CUX2: variants seen among roughly 807,000 people sequenced by gnomAD.
CUX2 encodes homeobox protein cut-like 2.
CUX2 carries 40 observed loss-of-function variants against 144.8 expected under a neutral mutation model. That is an observed-to-expected ratio of 0.28 (90% CI 0.21 to 0.36). The LOEUF (loss-of-function observed/expected upper bound fraction) is 0.36, where lower values mean the gene tolerates loss of function less well. Ranked by LOEUF, CUX2 falls within the 10% of genes least tolerant of loss-of-function variation. The probability of loss-of-function intolerance (pLI) is 1.00; values close to 1 mark genes in which losing one functional copy is unlikely to be tolerated. For synonymous variants in CUX2, 827 were observed against 875.6 expected, an observed-to-expected ratio of 0.94 and a Z score of 0.98; for missense variants, 1,615 against 1,994.0, an observed-to-expected ratio of 0.81 and a Z score of 3.62.
At position 111,320,387 on chromosome 12, in the gene CUX2, G is replaced by A. The variant is rs1209369279; in HGVS notation, c.2378G>A (p.Arg793His). 3.1e-6 allele frequency: 5 copies of A among 1,597,850 alleles called. No homozygotes were observed. In the African/African-American group the frequency reaches 5.3e-5, roughly 17 times the overall value. ...GYFDHHWASD[R>H]GLLSRPYASV... ...TTCGACCACCACTGGGCCTCCGACCGCGGCCTGCTCAGCCGCCCCTACGCC... is the reference window on the plus strand; with the variant it reads ...TTCGACCACCACTGGGCCTCCGACCACGGCCTGCTCAGCCGCCCCTACGCC... The change falls in exon 17 of 22, where the codon CGC (arginine) becomes CAC (histidine). Residue 793 changes from arginine to histidine, a missense_variant. By Grantham distance (29) the Arg-to-His change is conservative. Coordinates refer to ENST00000261726, the MANE Select transcript of CUX2 (RefSeq NM_015267.4). The surrounding 1 kb of genome is among the most constrained non-coding windows in gnomAD (Gnocchi z 8.1).
chr12:111,042,681 G>A (rs1350443946), intron 1 of CUX2, among the ~76,000 whole-genome samples: 2 of 152,050 alleles, frequency 1.3e-5, no homozygotes, highest in Admixed American at 6.6e-5. Context: ...ACCCAGGCTG[G>A]AGTGCAACGG....
At chr12:111,198,170 T>C (rs1880356599) in intron 1 of CUX2, among the ~76,000 whole-genome samples, 1 of 152,184 alleles carries the variant, frequency 6.6e-6, no homozygotes, top group African/African-American at 2.4e-5. Flanking sequence ...GAGGTGAATA[T>C]TCATTTAAAA....
intron 1 of CUX2, chr12:111,099,998 T>C (rs1452776864): frequency 4.4e-6 from 2 of 457,360 alleles, no homozygotes; most frequent in Admixed American, 2.3e-5. Context: ...TCGCTTTTAT[T>C]TTTGCACATT....
chr12:111,280,718 C>G (rs1426483909), intron 4 of CUX2, among the ~76,000 whole-genome samples: 1 of 152,138 alleles, frequency 6.6e-6, no homozygotes, highest in Non-Finnish European at 1.5e-5. Flanking sequence ...GTGTCATTTC[C>G]ATCTCAGCGT....
chr12:111,061,490 G>A lies in CUX2; in HGVS notation c.63+27250G>A, dbSNP rs926811198. ...TGGAAGACAAAGTCGCCCCATTATC[G>A]GAGGGCTTTACAAATAGAGAAAAGA... On this transcript the variant is annotated intron_variant, in intron 1 of 21. Coordinates refer to ENST00000261726, the MANE Select transcript of CUX2 (RefSeq NM_015267.4). The surrounding 1 kb of genome is among the most constrained non-coding windows in gnomAD (Gnocchi z 4.2). Among the ~76,000 whole-genome samples the A allele has an allele frequency of 6.6e-6, 1 of 152,086 alleles. No homozygotes were observed. The highest frequency in any genetic ancestry group is 1.5e-5 in the Non-Finnish European group (1 of 68,028).
chr12:111,328,044 C>T (rs879563485), intron 18 of CUX2, among the ~76,000 whole-genome samples: 13 of 152,072 alleles, frequency 8.5e-5, no homozygotes, highest in Non-Finnish European at 1.8e-4. Flanking sequence ...GACAATAGAG[C>T]GAGACCCTGT....
At chr12:111,206,832 G>A (rs1880946675) in intron 1 of CUX2, among the ~76,000 whole-genome samples, 1 of 152,210 alleles carries the variant, frequency 6.6e-6, no homozygotes, top group South Asian at 2.1e-4. Flanking sequence ...TAAATAGATG[G>A]TTGGTTAGGT....
chr12:111,135,963 T>C (rs988134989), intron 1 of CUX2, among the ~76,000 whole-genome samples: 7 of 152,196 alleles, frequency 4.6e-5, no homozygotes, highest in African/African-American at 1.7e-4. Context: ...GATATTAATA[T>C]GCACTCCTAC....
Position 111,304,403 on chromosome 12 carries a change from C to T in CUX2, c.858+89C>T. 9.3e-7 allele frequency: 1 copy of T among 1,077,046 alleles called. No homozygotes were observed. 66.7% of individuals were successfully genotyped at this position (1,077,046 alleles called of 1,614,324 possible). ...TGCAGGTTTCAGCATGTGGGTGACA[C>T]TTTGTGGTTGATTGTGTGCATCCAT... On this transcript the variant is annotated intron_variant, in intron 10 of 21. Coordinates refer to ENST00000261726, the MANE Select transcript of CUX2 (RefSeq NM_015267.4). The surrounding 1 kb of genome is among the most constrained non-coding windows in gnomAD (Gnocchi z 4.7).
chr12:111,254,168 T>C (rs1331483571), intron 3 of CUX2, among the ~76,000 whole-genome samples: 2 of 152,240 alleles, frequency 1.3e-5, no homozygotes, highest in Non-Finnish European at 2.9e-5. Flanking sequence ...GTGGGTGCCC[T>C]GTGTTCAGAG....
chr12:111,291,642 G>A (rs1014923226), intron 5 of CUX2, 90 bp downstream of exon 5: 8 of 1,409,200 alleles, frequency 5.7e-6, no homozygotes, highest in East Asian at 2.7e-5. Flanking sequence ...TTGCGGGGTG[G>A]CTGGGGCAGG....
intron 21 of CUX2, among the ~76,000 whole-genome samples, chr12:111,343,402 C>T (rs946077089): frequency 3.9e-5 from 6 of 152,112 alleles, no homozygotes; most frequent in African/African-American, 1.4e-4. Flanking sequence ...TTTCAAGGAC[C>T]ATCTCTGAGG....
At chr12:111,116,375 C>CT (rs1026231918) in intron 1 of CUX2, among the ~76,000 whole-genome samples, 50 of 152,312 alleles carry the variant, frequency 3.3e-4, no homozygotes, top group African/African-American at 1.1e-3. Context: ...TTAAGAGTCT[C>CT]TTTTCCCCCC....
At position 111,053,324 on chromosome 12, in the gene CUX2, G is replaced by A. The variant is rs563017256; in HGVS notation, c.63+19084G>A. On this transcript the variant is annotated intron_variant, in intron 1 of 21. Coordinates refer to ENST00000261726, the MANE Select transcript of CUX2 (RefSeq NM_015267.4). ...CTAAGTCCCACTAATGACAAGAAACGCTCTTCCTTCAAGGGGGCCCTTTCC... is the reference window on the plus strand; with the variant it reads ...CTAAGTCCCACTAATGACAAGAAACACTCTTCCTTCAAGGGGGCCCTTTCC... Among the ~76,000 whole-genome samples the A allele has an allele frequency of 7.2e-4, 109 of 152,262 alleles. 2 individuals are homozygous for A. The South Asian group carries it at 0.016, about 22-fold the overall frequency.
chr12:111,063,422 G>A (rs1377132024), intron 1 of CUX2, among the ~76,000 whole-genome samples: 1 of 151,936 alleles, frequency 6.6e-6, no homozygotes, highest in East Asian at 1.9e-4. Flanking sequence ...GTATCTGTAC[G>A]TGTGTGAGCA....
intron 4 of CUX2, among the ~76,000 whole-genome samples, chr12:111,279,779 C>T (rs565697377): frequency 4.6e-5 from 7 of 152,224 alleles, no homozygotes; most frequent in South Asian, 4.2e-4. Flanking sequence ...GTCAAGAGAT[C>T]GAGACCATCC....
At chr12:111,058,413 GATT>G (rs1465154748) in intron 1 of CUX2, among the ~76,000 whole-genome samples, 2 of 152,258 alleles carry the variant, frequency 1.3e-5, no homozygotes, top group Non-Finnish European at 2.9e-5. Flanking sequence ...ACACAAGTGT[GATT>G]ATTAGGTAGT....
intron 3 of CUX2, among the ~76,000 whole-genome samples, chr12:111,243,496 CTT>C (rs761276935): frequency 9.0e-4 from 72 of 80,018 alleles, no homozygotes; most frequent in Non-Finnish European, 1.3e-3. Context: ...GTTGATGTGC[CTT>C]TTTTTTTTTT....
chr12:111,239,088 A>T (rs1023305549), intron 3 of CUX2, among the ~76,000 whole-genome samples: 30 of 152,104 alleles, frequency 2.0e-4, no homozygotes, highest in Non-Finnish European at 5.9e-5. Context: ...AGGTGCAGAC[A>T]CTCAGGCACA....
Sources: allele counts gnomAD v4.1 joint callset (sites outside exome capture counted in the v4.1 genomes callset), GRCh38; gene constraint gnomAD v4.1.1; non-coding constraint Gnocchi (gnomAD v3.1); transcripts MANE v1.5; gene names NCBI Gene and HGNC (gene_info 2026-07-23, HGNC 2026-07-21).